Variants in SNX19 observed in about 807,000 individuals in gnomAD.
SNX19 encodes the protein sorting nexin-19.
SNX19 carries 60 observed loss-of-function variants against 85.2 expected under a neutral mutation model. The ratio of observed to expected loss-of-function variants is 0.70; its 90% CI spans 0.57 to 0.87. The LOEUF (loss-of-function observed/expected upper bound fraction) is 0.87, where lower values mean the gene tolerates loss of function less well. Among genes scored for constraint, SNX19 ranks in the 40% least tolerant of loss-of-function variants. The probability of loss-of-function intolerance (pLI) is 0.00; values close to 1 mark genes in which losing one functional copy is unlikely to be tolerated. For synonymous variants in SNX19, 520 were observed against 470.0 expected, an observed-to-expected ratio of 1.11 and a Z score of -1.38; for missense variants, 1,201 against 1,217.8, an observed-to-expected ratio of 0.99 and a Z score of 0.21.
In SNX19 at chr11:130,915,042, G is replaced by A. The variant is rs1044394739; in HGVS notation, c.898C>T (p.Leu300Phe). 1 of 1,614,160 alleles carries A rather than the reference G, an allele frequency of 6.2e-7. No homozygotes were observed. Among genetic ancestry groups the A allele is most frequent in the Non-Finnish European group, 8.5e-7 (1 of 1,180,024 alleles). ...ACTGGAGAAGCTCTCCCTTCTGGAA[G>A]CTGCTCTACCTCAGCAATCAGTGGC... ...SLPLIAEVEQ[L>F]PEGRASPVAA... Residue 300 changes from leucine to phenylalanine, a missense_variant, in exon 1 of 11, where the codon CTT becomes TTT. Physicochemically the swap from Leu to Phe is conservative, Grantham distance 22 (BLOSUM62 0). Coordinates refer to ENST00000265909, the MANE Select transcript of SNX19 (RefSeq NM_014758.3).
rs1420690807 is a variant in SNX19 at position 130,914,842 on chromosome 11, G to C, written c.1098C>G (p.Phe366Leu). The part of the protein sequence containing the change: ...FLQPNVRGPL[F>L]LCEDSELESP... ...ACTCCAGCTCTGAGTCTTCACATAAGAACAGGGGACCTCGAACATTTGGCT... is the reference window on the plus strand; with the variant it reads ...ACTCCAGCTCTGAGTCTTCACATAACAACAGGGGACCTCGAACATTTGGCT... Residue 366 changes from phenylalanine to leucine, a missense_variant, in exon 1 of 11, where the codon TTC (phenylalanine) becomes TTG (leucine). Coordinates refer to ENST00000265909, the MANE Select transcript of SNX19 (RefSeq NM_014758.3). The C allele has an allele frequency of 6.2e-7, 1 of 1,614,208 alleles. No individual in the cohort carries two copies. Among genetic ancestry groups the C allele is most frequent in the Admixed American group, 1.7e-5 (1 of 60,026 alleles).
chr11:130,895,256 A>C, intron 8 of SNX19: 1 of 985,152 alleles, frequency 1.0e-6, no homozygotes. Context: ...AGAATTCCCC[A>C]ATTAACTGAA....
At chr11:130,910,999 A>G (rs891944238) in intron 2 of SNX19, among the ~76,000 whole-genome samples, 2 of 152,144 alleles carry the variant, frequency 1.3e-5, no homozygotes, top group Admixed American at 6.6e-5. Context: ...GTTCAAGACC[A>G]GCCTGACCAA....
At chr11:130,899,772 T>C (rs1283018001) in intron 8 of SNX19, among the ~76,000 whole-genome samples, 1 of 152,220 alleles carries the variant, frequency 6.6e-6, no homozygotes, top group Non-Finnish European at 1.5e-5. Flanking sequence ...CAACAAGTTT[T>C]TCAAAAGTAA....
rs547782066 is a variant in SNX19 at position 130,914,741 on chromosome 11, T to A, written c.1199A>T (p.Asp400Val). The stretch of plus-strand genomic sequence containing the variant: ...GGAACTCTCTAGGGCACACAGGGCA[T>A]CCTGAATCCTGTCAGAGAGAAAGCT... ...PGSFLSDRIQ[D>V]ALCALESSQA... Residue 400 changes from aspartate to valine, a missense_variant, in exon 1 of 11, where the codon GAT becomes GTT. Asp to Val is a radical substitution (Grantham distance 152). Around this residue, in one of 3 missense-constraint regions of SNX19, gnomAD observed 791 missense variants for 750.9 expected, o/e 1.05. Transcript: ENST00000265909. The A allele has an allele frequency of 7.4e-6, 12 of 1,614,044 alleles. No individual in the cohort carries two copies. Among genetic ancestry groups the A allele is most frequent in the African/African-American group, 1.3e-5 (1 of 74,924 alleles).
rs1176681542 is a variant in SNX19, at chr11:130,878,362, G to A, written c.*60C>T. On this transcript the variant is annotated 3_prime_UTR_variant, in exon 11 of 11. Transcript: ENST00000265909. ...TGAAGAGGGCACGGGCTTCCTGACTGGTCTCTGGTGGCCGAGTAACTCTAC... is the reference window on the plus strand; with the variant it reads ...TGAAGAGGGCACGGGCTTCCTGACTAGTCTCTGGTGGCCGAGTAACTCTAC... 3 of 1,578,930 alleles carry A rather than the reference G, an allele frequency of 1.9e-6. No homozygotes were observed. The highest frequency in any genetic ancestry group is 2.7e-5 in the African/African-American group (2 of 73,950).
chr11:130,894,348 C>T (rs1473565865), intron 8 of SNX19, among the ~76,000 whole-genome samples: 1 of 152,142 alleles, frequency 6.6e-6, no homozygotes, highest in Admixed American at 6.5e-5. Flanking sequence ...GTCATCCACA[C>T]CACTCAGAGA....
rs899925260 is a variant in SNX19, at chr11:130,875,267, G to A, written c.*3155C>T. ...ATAAGCCAGTCAAAGGACAAACACT[G>A]CATGATTCCACTTATATGAGGCGTT... On this transcript the variant is annotated 3_prime_UTR_variant, in exon 11 of 11. Transcript: ENST00000265909. 5.9e-5 allele frequency among the ~76,000 whole-genome samples: 9 copies of A among 152,158 alleles called. No homozygotes were observed. The highest frequency in any genetic ancestry group is 1.9e-4 in the African/African-American group (8 of 41,438).
At position 130,910,025 on chromosome 11, in the gene SNX19, A is replaced by G; in HGVS notation, c.2027T>C (p.Ile676Thr). ...FVKKPFMVSR[I>T]DKMVVSAIVD... ...CAGTGGCCCTGCTGGTACCTTGTCT[A>G]TTCTAGAGACCATAAATGGTTTCTT... is the stretch of plus-strand genomic sequence containing the variant. Residue 676 changes from isoleucine to threonine, a missense_variant, in exon 4 of 11, where the codon ATA (isoleucine) becomes ACA (threonine). Physicochemically the swap from Ile to Thr is moderately conservative, Grantham distance 89. This residue lies in a region of SNX19 where 125 missense variants were observed against 171.6 expected (regional missense o/e 0.73). Coordinates refer to ENST00000265909, the MANE Select transcript of SNX19 (RefSeq NM_014758.3). 1 of 1,613,334 alleles carries G rather than the reference A, an allele frequency of 6.2e-7. No homozygotes were observed. The highest frequency in any genetic ancestry group is 2.2e-5 in the East Asian group (1 of 44,894).
At position 130,914,778 on chromosome 11, in the gene SNX19, T is replaced by C; in HGVS notation, c.1162A>G (p.Met388Val). 1.2e-6 allele frequency: 2 copies of C among 1,614,138 alleles called. No homozygotes were observed. The highest frequency in any genetic ancestry group is 1.7e-6 in the Non-Finnish European group (2 of 1,179,956). ...SELGKETIML[M>V]TPGSFLSDRI... ...TCAGAGAGAAAGCTGCCTGGAGTCATGAGCATGATGGTTTCTTTGCCCAGT... is the reference window on the plus strand; with the variant it reads ...TCAGAGAGAAAGCTGCCTGGAGTCACGAGCATGATGGTTTCTTTGCCCAGT... The change falls in exon 1 of 11, where the codon ATG becomes GTG. Residue 388 changes from methionine to valine, a missense_variant. Coordinates refer to ENST00000265909, the MANE Select transcript of SNX19 (RefSeq NM_014758.3).
chr11:130,914,127 G>T, intron 1 of SNX19, 139 bp downstream of exon 1: 1 of 676,024 alleles, frequency 1.5e-6, no homozygotes, highest in Non-Finnish European at 2.5e-6. Flanking sequence ...ATTAGCTTCA[G>T]ACCATTCACA....
chr11:130,898,870 T>G (rs1320330953), intron 8 of SNX19, among the ~76,000 whole-genome samples: 1 of 152,182 alleles, frequency 6.6e-6, no homozygotes, highest in Non-Finnish European at 1.5e-5. Flanking sequence ...CTCCAGTACT[T>G]GGAGACAGAG....
rs775269818 is a variant in SNX19, at chr11:130,878,417, A to G, written c.*5T>C. 1 of 1,612,932 alleles carries G rather than the reference A, an allele frequency of 6.2e-7. No homozygotes were observed. The highest frequency in any genetic ancestry group is 1.7e-5 in the Admixed American group (1 of 59,872). ...CTGACCTGGGAAGAAGGCGTGAATAACCAGCTAAGAGGAGACACCCATCCT... is the reference window on the plus strand; with the variant it reads ...CTGACCTGGGAAGAAGGCGTGAATAGCCAGCTAAGAGGAGACACCCATCCT... On this transcript the variant is annotated 3_prime_UTR_variant, in exon 11 of 11. Transcript: ENST00000265909.
At position 130,874,375 on chromosome 11, in the gene SNX19, G is replaced by T. The variant is rs553512510; in HGVS notation, c.*4047C>A. On this transcript the variant is annotated 3_prime_UTR_variant, in exon 11 of 11. Coordinates refer to ENST00000265909, the MANE Select transcript of SNX19 (RefSeq NM_014758.3). ...GAAATGGTTCCTTCATTCCTTAGAA[G>T]AAAACACAGAAGAGATGCTCCTGTT... Among the ~76,000 whole-genome samples the T allele has an allele frequency of 2.0e-5, 3 of 152,298 alleles. No homozygotes were observed. The highest frequency in any genetic ancestry group is 3.9e-4 in the East Asian group (2 of 5,182).
chr11:130,871,858 CCTT>C lies in SNX19; in HGVS notation c.*6561_*6563del, dbSNP rs1437277312. 6.6e-6 allele frequency among the ~76,000 whole-genome samples: 1 copy of C among 152,200 alleles called. No individual in the cohort carries two copies. The highest frequency in any genetic ancestry group is 1.5e-5 in the Non-Finnish European group (1 of 68,034). ...GATTCATACATTATTCACAAACTTA[CCTT>C]CTTAATCACTACAACACTTTAATAT... On this transcript the variant is annotated 3_prime_UTR_variant, in exon 11 of 11. Coordinates refer to ENST00000265909, the MANE Select transcript of SNX19 (RefSeq NM_014758.3).
At chr11:130,879,970 A>G (rs991856427) in intron 9 of SNX19, among the ~76,000 whole-genome samples, 1 of 152,342 alleles carries the variant, frequency 6.6e-6, no homozygotes, top group Admixed American at 6.5e-5. Context: ...TACTCCTTCC[A>G]ATGTAACAGT....
At chr11:130,887,795 A>G (rs558902493) in intron 8 of SNX19, among the ~76,000 whole-genome samples, 4 of 152,296 alleles carry the variant, frequency 2.6e-5, no homozygotes, top group African/African-American at 9.6e-5. Context: ...GATTTTGCCA[A>G]CCTCAAAGAC....
chr11:130,897,037 C>T (rs926194307), intron 8 of SNX19, among the ~76,000 whole-genome samples: 6 of 152,138 alleles, frequency 3.9e-5, no homozygotes, highest in African/African-American at 1.2e-4. Context: ...GTGGACGTTG[C>T]GCCTTGCAGC....
chr11:130,896,821 A>C (rs7933767), intron 8 of SNX19, among the ~76,000 whole-genome samples: 96,452 of 151,798 alleles, frequency 0.64, 30,926 homozygotes, highest in South Asian at 0.8. Context: ...TTACTCGTGC[A>C]CTTTTGGTGG....
Sources: allele counts gnomAD v4.1 joint callset (sites outside exome capture counted in the v4.1 genomes callset), GRCh38; gene constraint gnomAD v4.1.1; regional missense constraint gnomAD v4.1.1; transcripts MANE v1.5; gene names NCBI Gene and HGNC (gene_info 2026-07-23, HGNC 2026-07-21).